The following ZNG1B variants were observed in gnomAD, a reference collection of about 807,000 sequenced individuals.
ZNG1B encodes Zn regulated GTPase metalloprotein activator 1B, also known as zinc-regulated GTPase metalloprotein activator 1B.
chr2:113,474,340 T>G, the ZNG1B span, among the ~76,000 whole-genome samples: 155 of 149,498 alleles, frequency 1.0e-3, no homozygotes, highest in Middle Eastern at 3.5e-3. Context: ...GATATCCCCT[T>G]TATCATTTTT....
At chr2:113,466,516 T>C in the ZNG1B span, 1 of 976,202 alleles carries the variant, frequency 1.0e-6, no homozygotes, top group African/African-American at 1.9e-5. Flanking sequence ...TTTTTCTTAC[T>C]TCAAGTGGAT....
chr2:113,477,432 G>A, the ZNG1B span, among the ~76,000 whole-genome samples: 1 of 152,132 alleles, frequency 6.6e-6, no homozygotes, highest in Non-Finnish European at 1.5e-5. Context: ...ACTCCCTAGT[G>A]AGATGAACCC....
chr2:113,474,095 C>T, the ZNG1B span, among the ~76,000 whole-genome samples: 4 of 151,764 alleles, frequency 2.6e-5, no homozygotes, highest in East Asian at 1.9e-4. Context: ...TGGTAGAATT[C>T]GGCTGTGAAT....
chr2:113,481,601 CT>C, the ZNG1B span: 1 of 152,200 alleles, frequency 6.6e-6, no homozygotes, highest in Non-Finnish European at 1.5e-5. Context: ...TGTTGATCTT[CT>C]TGTGCTTTTC....
chr2:113,489,487 G>A, the ZNG1B span, among the ~76,000 whole-genome samples: 3 of 152,102 alleles, frequency 2.0e-5, no homozygotes, highest in African/African-American at 7.2e-5. Flanking sequence ...GCAACAAATA[G>A]CATGATGAAT....
At chr2:113,471,729 G>C in the ZNG1B span, among the ~76,000 whole-genome samples, 1 of 149,958 alleles carries the variant, frequency 6.7e-6, no homozygotes, top group African/African-American at 2.5e-5. Context: ...GAGAATATGC[G>C]GTGTTTGGTT....
the ZNG1B span, chr2:113,445,129 C>G: frequency 6.4e-7 from 1 of 1,564,624 alleles, no homozygotes; most frequent in Non-Finnish European, 8.7e-7. Context: ...AGAGGAATAT[C>G]TAACATGAGG....
the ZNG1B span, among the ~76,000 whole-genome samples, chr2:113,488,706 T>C: frequency 8.6e-5 from 13 of 150,758 alleles, no homozygotes; most frequent in Admixed American, 8.6e-4. Flanking sequence ...GACATACTTA[T>C]AGAAATATAA....
At chr2:113,486,716 A>G in the ZNG1B span, among the ~76,000 whole-genome samples, 3 of 152,174 alleles carry the variant, frequency 2.0e-5, no homozygotes, top group African/African-American at 4.8e-5. Flanking sequence ...TGATTGTGCC[A>G]CTCTACTCCA....
the ZNG1B span, among the ~76,000 whole-genome samples, chr2:113,474,825 C>G: frequency 1.3e-5 from 2 of 151,910 alleles, no homozygotes; most frequent in South Asian, 4.2e-4. Context: ...ATCCTGAGTT[C>G]TAGTTTGATT....
At chr2:113,483,188 G>A in the ZNG1B span, among the ~76,000 whole-genome samples, 1 of 152,282 alleles carries the variant, frequency 6.6e-6, no homozygotes, top group Non-Finnish European at 1.5e-5. Flanking sequence ...GAGCTTCTGG[G>A]TAAAGAACGT....
the ZNG1B span, among the ~76,000 whole-genome samples, chr2:113,475,746 T>A: frequency 1.9e-4 from 29 of 152,106 alleles, 1 homozygote; most frequent in Admixed American, 1.9e-3. Context: ...CCTTCACTTA[T>A]GAAGCTTAGT....
the ZNG1B span, among the ~76,000 whole-genome samples, chr2:113,446,310 A>C: frequency 2.6e-5 from 4 of 152,208 alleles, no homozygotes; most frequent in East Asian, 5.8e-4. Context: ...AGTTATAAAA[A>C]ATCTTAATGT....
At chr2:113,495,856 G>A in the ZNG1B span, 80 of 635,648 alleles carry the variant, frequency 1.3e-4, 10 homozygotes, top group Non-Finnish European at 1.8e-4. Context: ...ACTTTAAAAT[G>A]GTATTTGTTT....
the ZNG1B span, chr2:113,462,742 T>C: frequency 3.8e-6 from 2 of 521,954 alleles, no homozygotes; most frequent in Middle Eastern, 9.8e-4. Flanking sequence ...GCACTCCATC[T>C]TTCTTTTCCT....
the ZNG1B span, among the ~76,000 whole-genome samples, chr2:113,463,633 T>C: frequency 1.3e-5 from 2 of 152,192 alleles, no homozygotes; most frequent in Non-Finnish European, 2.9e-5. Flanking sequence ...TGGAATCTGC[T>C]TGGGTTCTAA....
At chr2:113,444,251 A>G in the ZNG1B span, 18 of 309,218 alleles carry the variant, frequency 5.8e-5, no homozygotes, top group African/African-American at 2.7e-4. Context: ...ATGTTCTACT[A>G]GTTAAGTTTT....
chr2:113,483,360 G>A, the ZNG1B span, among the ~76,000 whole-genome samples: 2 of 152,136 alleles, frequency 1.3e-5, no homozygotes, highest in Non-Finnish European at 2.9e-5. Context: ...TGCCTGGCAA[G>A]AGTCTATACA....
chr2:113,449,412 AG>A, the ZNG1B span, among the ~76,000 whole-genome samples: 6 of 140,804 alleles, frequency 4.3e-5, no homozygotes, highest in African/African-American at 1.6e-4. Flanking sequence ...CTTGATTTAA[AG>A]TGAGAAACAG....
Sources: allele counts gnomAD v4.1 joint callset (sites outside exome capture counted in the v4.1 genomes callset), GRCh38; gene constraint gnomAD v4.1.1; transcripts MANE v1.5; gene names NCBI Gene and HGNC (gene_info 2026-07-23, HGNC 2026-07-21).